The following REC114 variants were observed in gnomAD, a reference collection of about 807,000 sequenced individuals.
The protein encoded by REC114 is meiotic recombination protein REC114.
Under a neutral mutation model 31.3 loss-of-function variants are expected in REC114, and 27 were observed. The observed-to-expected ratio is 0.86, with a 90% confidence interval of 0.64 to 1.19. The LOEUF is 1.19. Ranked by LOEUF, REC114 falls within the 50% of genes most tolerant of loss-of-function variation. The pLI is 0.00. For synonymous variants in REC114, 134 were observed against 127.7 expected (o/e 1.05, Z -0.33); for missense variants, 344 against 326.9 (o/e 1.05, Z -0.40).
chr15:73,510,254 G>T (rs1372853443), intron 2 of REC114, among the ~76,000 whole-genome samples: 1 of 152,028 alleles, frequency 6.6e-6, no homozygotes, highest in Non-Finnish European at 1.5e-5. Context: ...GTCTGTTGTT[G>T]GTGTATAAGA....
intron 2 of REC114, among the ~76,000 whole-genome samples, chr15:73,515,710 G>T (rs1254639275): frequency 3.3e-5 from 5 of 152,162 alleles, no homozygotes; most frequent in Admixed American, 3.3e-4. Context: ...CAAGAAGGCA[G>T]CTGTCTACAA....
intron 2 of REC114, among the ~76,000 whole-genome samples, chr15:73,536,479 A>G (rs1334722207): frequency 6.6e-6 from 1 of 152,158 alleles, no homozygotes; most frequent in Non-Finnish European, 1.5e-5. Context: ...TGTTAACCGC[A>G]TGTTTAATGG....
chr15:73,444,130 T>C (rs1228521413), intron 1 of REC114, among the ~76,000 whole-genome samples: 1 of 152,280 alleles, frequency 6.6e-6, no homozygotes, highest in Admixed American at 6.5e-5. Flanking sequence ...TTTTTGCTGC[T>C]GGAGGGTCTT....
Position 73,474,820 on chromosome 15 carries a change from A to G in REC114, c.249+899A>G, listed in dbSNP as rs149234100. Among the ~76,000 whole-genome samples, 20 of 152,308 alleles carry G rather than the reference A, an allele frequency of 1.3e-4. No individual in the cohort carries two copies. In the South Asian group the frequency reaches 1.9e-3, roughly 14 times the overall value. The stretch of plus-strand genomic sequence containing the variant: ...TCTTTTTGGATCACTTACATGTTCT[A>G]TCATAATATGGTAGGATCTCACATG... On this transcript the variant is annotated intron_variant, in intron 2 of 5. Transcript: ENST00000331090.
intron 2 of REC114, among the ~76,000 whole-genome samples, chr15:73,523,466 C>T (rs576477866): frequency 6.6e-6 from 1 of 152,174 alleles, no homozygotes; most frequent in Non-Finnish European, 1.5e-5. Flanking sequence ...TGGGACTGGC[C>T]AAGACTTAGC....
chr15:73,530,119 T>C (rs535346424), intron 2 of REC114, among the ~76,000 whole-genome samples: 3 of 152,206 alleles, frequency 2.0e-5, no homozygotes, highest in African/African-American at 7.2e-5. Flanking sequence ...ATGGGCATCT[T>C]AGTTTGAGCT....
intron 1 of REC114, among the ~76,000 whole-genome samples, chr15:73,450,556 G>A (rs1002804209): frequency 6.6e-6 from 1 of 152,164 alleles, no homozygotes; most frequent in Non-Finnish European, 1.5e-5. Context: ...ACACCCCACT[G>A]TCAATATTAG....
Position 73,475,373 on chromosome 15 carries a change from A to G in REC114, c.249+1452A>G, listed in dbSNP as rs1893197289. 2.0e-5 allele frequency among the ~76,000 whole-genome samples: 3 copies of G among 152,190 alleles called. 1 individual carries two copies. Among genetic ancestry groups the G allele is most frequent in the South Asian group, 4.1e-4 (2 of 4,834 alleles). On this transcript the variant is annotated intron_variant, in intron 2 of 5. Transcript: ENST00000331090. ...ACAGTCATGTGTCTCATCACAACATATTAGTCAAGAGAGGACCACAGATAT... is the reference window on the plus strand; with the variant it reads ...ACAGTCATGTGTCTCATCACAACATGTTAGTCAAGAGAGGACCACAGATAT...
chr15:73,493,566 A>G (rs1299433048), intron 2 of REC114, among the ~76,000 whole-genome samples: 1 of 151,962 alleles, frequency 6.6e-6, no homozygotes, highest in Admixed American at 6.6e-5. Flanking sequence ...TCATATGTAG[A>G]GGCCTGAGGG....
intron 2 of REC114, among the ~76,000 whole-genome samples, chr15:73,526,523 ACTTATC>A (rs1446641329): frequency 6.6e-6 from 1 of 152,096 alleles, no homozygotes; most frequent in Non-Finnish European, 1.5e-5. Flanking sequence ...TACATCTCTA[ACTTATC>A]ACAGTCTGTC....
intron 4 of REC114, among the ~76,000 whole-genome samples, chr15:73,552,296 A>G (rs1333290921): frequency 6.6e-6 from 1 of 152,210 alleles, no homozygotes; most frequent in African/African-American, 2.4e-5. Flanking sequence ...GATTTTCTTC[A>G]TGTCTTCAAC....
At chr15:73,514,264 C>T (rs963758735) in intron 2 of REC114, among the ~76,000 whole-genome samples, 11 of 151,644 alleles carry the variant, frequency 7.3e-5, no homozygotes, top group South Asian at 2.1e-4. Flanking sequence ...TGACCCCTTG[C>T]GCTTCCCAGG....
chr15:73,457,065 C>CTTTTTT (rs934090597), intron 1 of REC114, among the ~76,000 whole-genome samples: 4 of 68,014 alleles, frequency 5.9e-5, no homozygotes, highest in African/African-American at 2.3e-4. Flanking sequence ...TATTTCTGAG[C>CTTTTTT]TTTTTTTTTT....
chr15:73,499,675 C>T (rs2141307322), intron 2 of REC114, among the ~76,000 whole-genome samples: 1 of 152,200 alleles, frequency 6.6e-6, no homozygotes, highest in Non-Finnish European at 1.5e-5. Flanking sequence ...TTCTTCAAAG[C>T]TCCCAATCGC....
chr15:73,468,859 C>T (rs1044483741), intron 1 of REC114, among the ~76,000 whole-genome samples: 2 of 151,838 alleles, frequency 1.3e-5, no homozygotes, highest in Non-Finnish European at 2.9e-5. Flanking sequence ...TGGTGAATAA[C>T]TTTGAGTTCA....
chr15:73,547,341 GA>G (rs1260022796), intron 3 of REC114, among the ~76,000 whole-genome samples: 1 of 152,174 alleles, frequency 6.6e-6, no homozygotes, highest in Non-Finnish European at 1.5e-5. Context: ...CAACTACAAT[GA>G]GATACCATCT....
intron 2 of REC114, among the ~76,000 whole-genome samples, chr15:73,496,007 A>G (rs1893516936): frequency 6.6e-6 from 1 of 152,152 alleles, no homozygotes; most frequent in Non-Finnish European, 1.5e-5. Context: ...AAGATGCTCT[A>G]GCAGCATAAT....
chr15:73,511,229 G>A (rs1261908669), intron 2 of REC114, among the ~76,000 whole-genome samples: 8 of 152,206 alleles, frequency 5.3e-5, no homozygotes, highest in East Asian at 1.9e-4. Flanking sequence ...GTTTATTTGC[G>A]TAGAGGTGTT....
chr15:73,467,172 A>G (rs1893073363), intron 1 of REC114, among the ~76,000 whole-genome samples: 1 of 152,264 alleles, frequency 6.6e-6, no homozygotes, highest in Admixed American at 6.5e-5. Context: ...CATATATATT[A>G]TTTAAACTCA....
Sources: allele counts gnomAD v4.1 joint callset (sites outside exome capture counted in the v4.1 genomes callset), GRCh38; gene constraint gnomAD v4.1.1; transcripts MANE v1.5; gene names NCBI Gene and HGNC (gene_info 2026-07-23, HGNC 2026-07-21).